The following ABCB1 variants were observed in gnomAD, a reference collection of about 807,000 sequenced individuals.
The protein encoded by ABCB1 is ATP-dependent translocase ABCB1.
ABCB1 carries 69 observed loss-of-function variants against 142.0 expected under a neutral mutation model. That is an observed-to-expected ratio of 0.49 (90% CI 0.40 to 0.59). The LOEUF (loss-of-function observed/expected upper bound fraction) is 0.59. ABCB1 is among the 20% of genes least tolerant of loss of function. The pLI, the probability that ABCB1 is intolerant of heterozygous loss-of-function variation, is 0.00. For synonymous variants in ABCB1, 532 were observed against 539.2 expected, an observed-to-expected ratio of 0.99 and a Z score of 0.18; for missense variants, 1,326 against 1,554.7, an observed-to-expected ratio of 0.85 and a Z score of 2.47.
chr7:87,519,406 C>T lies in ABCB1; in HGVS notation c.2847G>A (p.Met949Ile). Residue 949 changes from methionine to isoleucine, a missense_variant, in exon 23 of 28, where the codon ATG becomes ATA. Coordinates refer to ENST00000622132, the MANE Select transcript of ABCB1 (RefSeq NM_001348946.2). ...GITFSFTQAM[M>I]YFSYAGCFRF... ...GGAAACATCCAGCATAGGAAAAATA[C>T]ATCATTGCCTGGGTGAAGGAAAATG... 1 of 1,614,084 alleles carries T rather than the reference C, an allele frequency of 6.2e-7. No homozygotes were observed. The highest frequency in any genetic ancestry group is 8.5e-7 in the Non-Finnish European group (1 of 1,179,964).
chr7:87,506,227 T>C (rs781104492), intron 26 of ABCB1, 184 bp from the exon 27 acceptor site: 133 of 610,920 alleles, frequency 2.2e-4, no homozygotes, highest in Non-Finnish European at 3.2e-4. Context: ...TTACTATCTA[T>C]TTGAAAATAA....
chr7:87,567,477 G>C (rs1817828702), intron 5 of ABCB1, among the ~76,000 whole-genome samples: 1 of 152,128 alleles, frequency 6.6e-6, no homozygotes, highest in South Asian at 2.1e-4. Context: ...CATTGGGGAT[G>C]AAAAGAAGTG....
Position 87,536,481 on chromosome 7 carries a change from T to G in ABCB1, c.2458A>C (p.Asn820His). Residue 820 changes from asparagine to histidine, a missense_variant, in exon 20 of 28, where the codon AAT (asparagine) becomes CAT (histidine). Asn to His is a moderately conservative substitution (Grantham distance 68, BLOSUM62 1). Transcript: ENST00000622132. ...ACCCCTTTAACTTGAGCAGCATCAT[T>G]GGCGAGCCTGGTAGTCAATGCTCCA... The part of the protein sequence containing the change: ...TTGALTTRLA[N>H]DAAQVKGAIG... 6.2e-7 allele frequency: 1 copy of G among 1,614,002 alleles called. No homozygotes were observed. Among genetic ancestry groups the G allele is most frequent in the Non-Finnish European group, 8.5e-7 (1 of 1,179,906 alleles).
intron 1 of ABCB1, among the ~76,000 whole-genome samples, chr7:87,636,730 A>G (rs1252071990): frequency 6.6e-6 from 1 of 152,226 alleles, no homozygotes; most frequent in Non-Finnish European, 1.5e-5. Flanking sequence ...GATGTGAAGT[A>G]CAGGAGTCAA....
chr7:87,617,053 C>T (rs530537558), intron 1 of ABCB1, among the ~76,000 whole-genome samples: 4 of 152,156 alleles, frequency 2.6e-5, no homozygotes, highest in African/African-American at 9.7e-5. Flanking sequence ...GTTATATATT[C>T]TATGTAGCCC....
intron 1 of ABCB1, among the ~76,000 whole-genome samples, chr7:87,632,148 G>A (rs1285225725): frequency 6.7e-6 from 1 of 149,162 alleles, no homozygotes; most frequent in Non-Finnish European, 1.5e-5. Context: ...TATCATTCTA[G>A]TGTATCCACT....
chr7:87,507,557 G>A (rs1479574438), intron 26 of ABCB1, among the ~76,000 whole-genome samples: 2 of 152,158 alleles, frequency 1.3e-5, no homozygotes, highest in African/African-American at 2.4e-5. Flanking sequence ...ACTGTGAAAG[G>A]AGAGTGGGAG....
Position 87,550,707 on chromosome 7 carries a change from T to C in ABCB1, c.1113+18A>G, listed in dbSNP as rs1224793462. 6.3e-7 allele frequency: 1 copy of C among 1,583,322 alleles called. No individual in the cohort carries two copies. The highest frequency in any genetic ancestry group is 8.7e-7 in the Non-Finnish European group (1 of 1,152,010). The stretch of plus-strand genomic sequence containing the variant: ...ACAATCTTTTAGATAGGTGGATAGA[T>C]GGCCAACTCAGACTTACATTATCAA... On this transcript the variant is annotated intron_variant, in intron 10 of 27. Coordinates refer to ENST00000622132, the MANE Select transcript of ABCB1 (RefSeq NM_001348946.2).
intron 1 of ABCB1, among the ~76,000 whole-genome samples, chr7:87,654,284 AG>A (rs1445562626): frequency 1.1e-4 from 16 of 152,122 alleles, no homozygotes; most frequent in African/African-American, 3.9e-4. Context: ...AGCAATCTTG[AG>A]CAAAAAGAAC....
At chr7:87,673,586 C>T (rs558599509) in intron 1 of ABCB1, among the ~76,000 whole-genome samples, 1 of 152,274 alleles carries the variant, frequency 6.6e-6, no homozygotes, top group East Asian at 1.9e-4. Context: ...CTTAAAATGG[C>T]CCTTCGATAT....
Position 87,549,955 on chromosome 7 carries a change from T to C in ABCB1, c.1450A>G (p.Ile484Val). 1 of 1,614,224 alleles carries C rather than the reference T, an allele frequency of 6.2e-7. No homozygotes were observed. Among genetic ancestry groups the C allele is most frequent in the Non-Finnish European group, 8.5e-7 (1 of 1,180,036 alleles). Residue 484 changes from isoleucine (I) to valine (V), a missense_variant, in exon 13 of 28, where the codon ATA becomes GTA. By Grantham distance (29) the Ile-to-Val change is conservative (BLOSUM62 3). Transcript: ENST00000622132. ...CGGCCATAGCGAATGTTTTCAGCTA[T>C]CGTGGTGGCAAACAATACAGGTTCC... ...SQEPVLFATT[I>V]AENIRYGREN... is the part of the protein sequence containing the mutation.
intron 1 of ABCB1, among the ~76,000 whole-genome samples, chr7:87,671,394 G>A (rs1385513257): frequency 1.3e-5 from 2 of 152,170 alleles, no homozygotes; most frequent in African/African-American, 4.8e-5. Context: ...TCTGGTAGAG[G>A]GTGGCTGGAG....
intron 8 of ABCB1, among the ~76,000 whole-genome samples, chr7:87,560,837 C>T (rs934464360): frequency 6.6e-6 from 1 of 151,994 alleles, no homozygotes. Context: ...CACATAAGTG[C>T]TTTTTGGTTA....
chr7:87,614,289 A>G (rs935481363), intron 1 of ABCB1, among the ~76,000 whole-genome samples: 55 of 152,058 alleles, frequency 3.6e-4, no homozygotes, highest in Non-Finnish European at 6.5e-4. Context: ...CTTAGCTACT[A>G]GGGATGCTGA....
intron 3 of ABCB1, among the ~76,000 whole-genome samples, chr7:87,589,503 C>T (rs1052517276): frequency 1.3e-4 from 20 of 151,996 alleles, no homozygotes; most frequent in Admixed American, 9.8e-4. Flanking sequence ...AAAGGAAATG[C>T]GCTGGGCATG....
intron 1 of ABCB1, among the ~76,000 whole-genome samples, chr7:87,626,023 TAGAGAGAGAG>T (rs201541879): frequency 1.7e-5 from 2 of 114,538 alleles, no homozygotes; most frequent in Admixed American, 8.5e-5. Context: ...TATATATATA[TAGAGAGAGAG>T]AGAGAGAGAG....
At chr7:87,595,530 T>C (rs1819165993) in intron 3 of ABCB1, among the ~76,000 whole-genome samples, 1 of 152,106 alleles carries the variant, frequency 6.6e-6, no homozygotes, top group Non-Finnish European at 1.5e-5. Context: ...ACTGGCAACA[T>C]AATTCATTAG....
chr7:87,638,023 T>C (rs1821976250), intron 1 of ABCB1, among the ~76,000 whole-genome samples: 1 of 152,160 alleles, frequency 6.6e-6, no homozygotes, highest in Non-Finnish European at 1.5e-5. Context: ...TTGCTGAGAA[T>C]TTGTATCATA....
intron 21 of ABCB1, chr7:87,521,320 T>C (rs868750818): frequency 1.2e-4 from 47 of 401,426 alleles, no homozygotes; most frequent in Middle Eastern, 1.5e-3. Flanking sequence ...GTTTGGAAAA[T>C]AGTGAAAGAA....
Sources: allele counts gnomAD v4.1 joint callset (sites outside exome capture counted in the v4.1 genomes callset), GRCh38; gene constraint gnomAD v4.1.1; transcripts MANE v1.5; gene names NCBI Gene and HGNC (gene_info 2026-07-23, HGNC 2026-07-21).